Variants in CHST9 observed in about 807,000 individuals in gnomAD.
The protein encoded by CHST9 is carbohydrate sulfotransferase 9.
A neutral mutation model predicts 44.4 loss-of-function variants in CHST9; 41 were observed. The ratio of observed to expected loss-of-function variants is 0.92; its 90% CI spans 0.72 to 1.20. The LOEUF (loss-of-function observed/expected upper bound fraction) is 1.20. Among genes scored for constraint, CHST9 ranks in the 50% most tolerant of loss-of-function variants. CHST9 has a pLI of 0.00. For synonymous variants in CHST9, 171 were observed against 178.4 expected (o/e 0.96, Z 0.33); for missense variants, 504 against 516.5 (o/e 0.98, Z 0.23).
intron 3 of CHST9, among the ~76,000 whole-genome samples, chr18:27,046,656 G>C (rs535325609): frequency 6.6e-6 from 1 of 152,086 alleles, no homozygotes; most frequent in Non-Finnish European, 1.5e-5. Context: ...ACCACAGACT[G>C]ATTGTAGTAT....
intron 3 of CHST9, among the ~76,000 whole-genome samples, chr18:27,034,718 C>G (rs546397496): frequency 1.3e-5 from 2 of 152,300 alleles, no homozygotes; most frequent in South Asian, 4.1e-4. Flanking sequence ...TCATATCACT[C>G]AGGATTTAGC....
chr18:27,014,037 C>T (rs1358129842), intron 4 of CHST9, among the ~76,000 whole-genome samples: 1 of 152,000 alleles, frequency 6.6e-6, no homozygotes, highest in Non-Finnish European at 1.5e-5. Context: ...TATGTGAGTG[C>T]AACAAATATT....
At chr18:27,014,474 A>G (rs2057124469) in intron 4 of CHST9, among the ~76,000 whole-genome samples, 1 of 146,758 alleles carries the variant, frequency 6.8e-6, no homozygotes, top group South Asian at 2.2e-4. Flanking sequence ...AAAAAAAAAA[A>G]AAAAAAAAAA....
intron 3 of CHST9, among the ~76,000 whole-genome samples, chr18:27,045,704 A>G (rs1266328494): frequency 6.6e-6 from 1 of 152,016 alleles, no homozygotes; most frequent in African/African-American, 2.4e-5. Context: ...GGAGGATATA[A>G]TTTGAATGGG....
intron 1 of CHST9, among the ~76,000 whole-genome samples, chr18:27,182,966 C>T (rs1026029843): frequency 2.0e-5 from 3 of 152,090 alleles, no homozygotes; most frequent in African/African-American, 7.2e-5. Context: ...CTCCTGGAAA[C>T]CATACTAAGT....
At chr18:27,106,955 G>C (rs981407958) in intron 2 of CHST9, among the ~76,000 whole-genome samples, 2 of 152,138 alleles carry the variant, frequency 1.3e-5, no homozygotes, top group African/African-American at 4.8e-5. Flanking sequence ...ACATGTGGGT[G>C]GGTGGGCACT....
At chr18:27,176,700 T>G (rs1598781701) in intron 1 of CHST9, among the ~76,000 whole-genome samples, 1 of 152,036 alleles carries the variant, frequency 6.6e-6, no homozygotes, top group South Asian at 2.1e-4. Flanking sequence ...GCATTAAATA[T>G]ATATCAATAA....
At chr18:27,005,154 G>A (rs1035086707) in intron 4 of CHST9, among the ~76,000 whole-genome samples, 1 of 152,126 alleles carries the variant, frequency 6.6e-6, no homozygotes. Context: ...TTAGCGACTC[G>A]TGTGATATGG....
chr18:26,964,963 G>A (rs1273278858), intron 4 of CHST9, among the ~76,000 whole-genome samples: 2 of 152,194 alleles, frequency 1.3e-5, no homozygotes, highest in African/African-American at 2.4e-5. Flanking sequence ...GTCAGATGGC[G>A]ATGGCAGGAG....
chr18:27,055,777 A>G lies in CHST9; in HGVS notation c.122-7274T>C, dbSNP rs139098575. The stretch of plus-strand genomic sequence containing the variant: ...AGATTTTCTTAGTCAATTTCTTCCT[A>G]CAGGAAATAGCATGATATAACAAAA... On this transcript the variant is annotated intron_variant, in intron 2 of 5. Transcript: ENST00000618847. Among the ~76,000 whole-genome samples the G allele has an allele frequency of 3.7e-3, 560 of 152,312 alleles. 3 individuals carry two copies. The highest frequency in any genetic ancestry group is 0.013 in the African/African-American group (545 of 41,578).
At chr18:27,112,651 G>T (rs563475607) in intron 2 of CHST9, among the ~76,000 whole-genome samples, 1 of 147,674 alleles carries the variant, frequency 6.8e-6, no homozygotes, top group Non-Finnish European at 1.5e-5. Flanking sequence ...ATAATCTATT[G>T]ATTCTGTTTT....
chr18:27,109,921 G>T (rs897823973), intron 2 of CHST9, among the ~76,000 whole-genome samples: 1 of 152,148 alleles, frequency 6.6e-6, no homozygotes, highest in African/African-American at 2.4e-5. Flanking sequence ...TTATCCATTA[G>T]CAGGAGGGGA....
intron 1 of CHST9, among the ~76,000 whole-genome samples, chr18:27,148,885 G>T (rs1274158357): frequency 2.1e-5 from 3 of 140,324 alleles, no homozygotes; most frequent in Non-Finnish European, 4.7e-5. Flanking sequence ...CAGTGTAAAA[G>T]TGTTCCTGTT....
At chr18:26,980,661 A>G (rs1265066890) in intron 4 of CHST9, among the ~76,000 whole-genome samples, 1 of 152,134 alleles carries the variant, frequency 6.6e-6, no homozygotes, top group Non-Finnish European at 1.5e-5. Context: ...CAGCATGCAG[A>G]TTTAATTACT....
chr18:26,994,839 T>C (rs1345103079), intron 4 of CHST9, among the ~76,000 whole-genome samples: 1 of 152,130 alleles, frequency 6.6e-6, no homozygotes, highest in Non-Finnish European at 1.5e-5. Context: ...TTCACCCATC[T>C]CAGCCTCCCA....
At chr18:27,142,599 C>T in intron 2 of CHST9, 90 bp downstream of exon 2, 1 of 892,946 alleles carries the variant, frequency 1.1e-6, no homozygotes, top group Non-Finnish European at 1.5e-6. Flanking sequence ...TATTGTGATT[C>T]TCAATATATT....
chr18:27,053,288 G>GAAGGACAAGGAC (rs1555679865), intron 2 of CHST9, among the ~76,000 whole-genome samples: 1 of 125,218 alleles, frequency 8.0e-6, no homozygotes, highest in African/African-American at 3.1e-5. Flanking sequence ...AGGAGAAGGA[G>GAAGGACAAGGAC]AAGGAGAAGG....
At chr18:26,968,446 A>G (rs1325215943) in intron 4 of CHST9, among the ~76,000 whole-genome samples, 3 of 152,162 alleles carry the variant, frequency 2.0e-5, no homozygotes, top group Non-Finnish European at 4.4e-5. Flanking sequence ...TATGTTTACT[A>G]ACCATTGGTG....
chr18:27,012,065 T>G (rs1432152208), intron 4 of CHST9, among the ~76,000 whole-genome samples: 1 of 152,222 alleles, frequency 6.6e-6, no homozygotes, highest in African/African-American at 2.4e-5. Flanking sequence ...AGGGGAGGCG[T>G]GCATCTGCCC....
Sources: gnomAD v4.1 joint callset for allele counts (sites outside exome capture counted in the v4.1 genomes callset) on GRCh38, gnomAD v4.1.1 for gene constraint, MANE v1.5 for transcripts, NCBI Gene and HGNC (gene_info 2026-07-23, HGNC 2026-07-21) for gene names.